Variants in TSHR observed in about 807,000 individuals in gnomAD.
The protein encoded by TSHR is thyrotropin receptor.
Under a neutral mutation model 64.1 loss-of-function variants are expected in TSHR, and 51 were observed. The ratio of observed to expected loss-of-function variants is 0.80; its 90% CI spans 0.64 to 1.01. TSHR has a LOEUF of 1.01. Ranked by LOEUF, TSHR falls within the 50% of genes least tolerant of loss-of-function variation. TSHR has a pLI of 0.00. For synonymous variants in TSHR, 361 were observed against 361.9 expected, an observed-to-expected ratio of 1.00 and a Z score of 0.03; for missense variants, 877 against 942.8, an observed-to-expected ratio of 0.93 and a Z score of 0.91.
chr14:80,970,657 T>C (rs2139701456), intron 1 of TSHR, among the ~76,000 whole-genome samples: 1 of 152,362 alleles, frequency 6.6e-6, no homozygotes, highest in Admixed American at 6.5e-5. Context: ...GAATCTGTTA[T>C]AGACTCTTGT....
At chr14:80,983,739 G>A in intron 1 of TSHR, 2 of 399,458 alleles carry the variant, frequency 5.0e-6, no homozygotes. Flanking sequence ...TGGTGTACAA[G>A]TTATACATTG....
At chr14:80,979,409 A>G (rs1220714827) in intron 1 of TSHR, among the ~76,000 whole-genome samples, 1 of 152,192 alleles carries the variant, frequency 6.6e-6, no homozygotes, top group Non-Finnish European at 1.5e-5. Context: ...GTCAACAGGT[A>G]TAAAGTTACA....
At chr14:80,987,867 T>A (rs1888547280) in intron 1 of TSHR, among the ~76,000 whole-genome samples, 1 of 152,226 alleles carries the variant, frequency 6.6e-6, no homozygotes, top group South Asian at 2.1e-4. Flanking sequence ...GATCTCTGTA[T>A]ATGAAAATAT....
At chr14:81,138,164 T>C (rs1891529387) in intron 8 of TSHR, among the ~76,000 whole-genome samples, 1 of 151,574 alleles carries the variant, frequency 6.6e-6, no homozygotes, top group South Asian at 2.1e-4. Context: ...CTGGGAATAA[T>C]ACAGGAACAA....
chr14:81,048,146 G>A (rs1013439269), intron 1 of TSHR, among the ~76,000 whole-genome samples: 5 of 151,866 alleles, frequency 3.3e-5, no homozygotes, highest in African/African-American at 1.2e-4. Context: ...TTTCAGTTGA[G>A]GTTAAGAAAG....
chr14:81,132,582 C>T (rs1252251570), intron 8 of TSHR, among the ~76,000 whole-genome samples: 2 of 152,174 alleles, frequency 1.3e-5, no homozygotes, highest in African/African-American at 2.4e-5. Context: ...ACACTTAACT[C>T]GAGATTATTC....
intron 1 of TSHR, among the ~76,000 whole-genome samples, chr14:81,045,461 G>T (rs774269485): frequency 2.0e-5 from 3 of 152,140 alleles, no homozygotes; most frequent in African/African-American, 4.8e-5. Context: ...GTAAATGGGT[G>T]CCATGGTGGT....
chr14:81,025,851 A>T (rs75664963), intron 1 of TSHR, among the ~76,000 whole-genome samples: 15,457 of 152,288 alleles, frequency 0.1, 998 homozygotes, highest in East Asian at 0.32. Flanking sequence ...CATAATATAT[A>T]TGAAGAAAGG....
chr14:81,072,753 T>TAAAAGAAAACTGATGTAAATATGCA (rs1555376875), intron 3 of TSHR, among the ~76,000 whole-genome samples: 7 of 149,652 alleles, frequency 4.7e-5, no homozygotes, highest in African/African-American at 1.5e-4. Flanking sequence ...AGTGAAAAGC[T>TAAAAGAAAACTGATGTAAATATGCA]TTGGGAGGCC....
intron 8 of TSHR, among the ~76,000 whole-genome samples, chr14:81,134,699 G>A (rs546799813): frequency 1.3e-5 from 2 of 152,176 alleles, no homozygotes; most frequent in Non-Finnish European, 1.5e-5. Context: ...AAGAAAAAAT[G>A]GAGATATGTC....
intron 1 of TSHR, among the ~76,000 whole-genome samples, chr14:80,978,528 G>C (rs890445069): frequency 3.9e-5 from 6 of 152,236 alleles, no homozygotes; most frequent in Admixed American, 2.0e-4. Context: ...GGGAGCTCTA[G>C]AGCAAAGACT....
chr14:81,010,665 T>C (rs977522215), intron 1 of TSHR, among the ~76,000 whole-genome samples: 2 of 152,174 alleles, frequency 1.3e-5, no homozygotes, highest in Non-Finnish European at 2.9e-5. Flanking sequence ...TCAAAATTAA[T>C]TCCTATTTTT....
chr14:81,099,698 C>T (rs987811302), intron 7 of TSHR, among the ~76,000 whole-genome samples: 15 of 152,180 alleles, frequency 9.9e-5, no homozygotes, highest in African/African-American at 2.9e-4. Context: ...GTCTGGTCGG[C>T]GATAACCTGA....
At chr14:81,122,470 A>G (rs546578520) in intron 8 of TSHR, among the ~76,000 whole-genome samples, 4 of 152,282 alleles carry the variant, frequency 2.6e-5, no homozygotes, top group Non-Finnish European at 4.4e-5. Context: ...AAACAGTTAC[A>G]TGACAAAGGA....
rs544118282 is a variant in TSHR, at chr14:81,043,214, A to C, written c.171-18934A>C. On this transcript the variant is annotated intron_variant, in intron 1 of 9. Coordinates refer to ENST00000298171, the MANE Select transcript of TSHR (RefSeq NM_000369.5). Reference sequence around the variant, plus strand: ...CATAGTTTCAGCCCAAAAGCTTCTTAAGCTGATAAGCAACTTCAGCAAATT... The same window carrying C: ...CATAGTTTCAGCCCAAAAGCTTCTTCAGCTGATAAGCAACTTCAGCAAATT... 2.6e-4 allele frequency among the ~76,000 whole-genome samples: 39 copies of C among 152,302 alleles called. No homozygotes were observed. In the South Asian group the frequency reaches 8.1e-3, roughly 32 times the overall value.
chr14:81,014,100 C>T (rs1417176132), intron 1 of TSHR: 1 of 152,178 alleles, frequency 6.6e-6, no homozygotes, highest in Admixed American at 6.6e-5. Flanking sequence ...TTATTTTAGT[C>T]CAAAAGCCAG....
At chr14:81,027,802 G>T (rs1251965770) in intron 1 of TSHR, among the ~76,000 whole-genome samples, 1 of 152,116 alleles carries the variant, frequency 6.6e-6, no homozygotes, top group Non-Finnish European at 1.5e-5. Flanking sequence ...ATTAGGGTGT[G>T]CAGAACAGAA....
chr14:81,022,256 C>A (rs1883802822), intron 1 of TSHR, among the ~76,000 whole-genome samples: 1 of 151,998 alleles, frequency 6.6e-6, no homozygotes, highest in African/African-American at 2.4e-5. Context: ...GGCAACAGAG[C>A]GAGACTCCGT....
intron 1 of TSHR, among the ~76,000 whole-genome samples, chr14:81,054,151 T>C (rs1160088344): frequency 6.6e-6 from 1 of 152,182 alleles, no homozygotes; most frequent in Non-Finnish European, 1.5e-5. Flanking sequence ...GCTGTCTTCA[T>C]GATAGTGAAT....
Sources: allele counts gnomAD v4.1 joint callset (sites outside exome capture counted in the v4.1 genomes callset), GRCh38; gene constraint gnomAD v4.1.1; transcripts MANE v1.5; gene names NCBI Gene and HGNC (gene_info 2026-07-23, HGNC 2026-07-21).